PLD1: variants seen among roughly 807,000 people sequenced by gnomAD.
PLD1 encodes the protein choline phosphatase 1.
Under a neutral mutation model 137.1 loss-of-function variants are expected in PLD1, and 112 were observed. The observed-to-expected ratio is 0.82, with a 90% CI of 0.70 to 0.96. The LOEUF (loss-of-function observed/expected upper bound fraction) is 0.96, where lower values mean the gene tolerates loss of function less well. PLD1 is among the 40% of genes least tolerant of loss of function. PLD1 has a pLI of 0.00. For synonymous variants in PLD1, 431 were observed against 454.7 expected (o/e 0.95, Z 0.66); for missense variants, 1,321 against 1,342.0 (o/e 0.98, Z 0.24).
rs967442526 is a variant in PLD1, at chr3:171,601,426, A to G, written c.*1652T>C. The G allele has an allele frequency of 3.3e-5, 5 of 152,124 alleles. No individual in the cohort carries two copies. The highest frequency in any genetic ancestry group is 4.8e-5 in the African/African-American group (2 of 41,390). 9.4% of individuals were successfully genotyped at this position (152,124 alleles called of 1,614,324 possible). ...CTTCTTTCATCAATAGCAAATTCTT[A>G]TTTACAATGGCTATAGAATGAAGTC... On this transcript the variant is annotated 3_prime_UTR_variant, in exon 27 of 27. Transcript: ENST00000351298.
chr3:171,651,938 GT>G (rs1424917477), intron 21 of PLD1, among the ~76,000 whole-genome samples: 1 of 152,054 alleles, frequency 6.6e-6, no homozygotes, highest in Non-Finnish European at 1.5e-5. Flanking sequence ...ATCTGCTGAG[GT>G]TACCATTTTA....
At chr3:171,618,848 A>AGTGTGT (rs138468678) in intron 24 of PLD1, among the ~76,000 whole-genome samples, 27,779 of 128,334 alleles carry the variant, frequency 0.22, 2,979 homozygotes, top group Admixed American at 0.27. Flanking sequence ...AAATATTAAA[A>AGTGTGT]GTGTGTGTGC....
At chr3:171,678,261 T>C (rs1713590144) in intron 16 of PLD1, among the ~76,000 whole-genome samples, 1 of 152,228 alleles carries the variant, frequency 6.6e-6, no homozygotes, top group African/African-American at 2.4e-5. Flanking sequence ...TAAGTGACAC[T>C]GAGCTTCAGT....
At chr3:171,807,286 C>A (rs1578492497) in intron 1 of PLD1, among the ~76,000 whole-genome samples, 1 of 143,414 alleles carries the variant, frequency 7.0e-6, no homozygotes, top group East Asian at 2.0e-4. Flanking sequence ...CAGAGTGAGA[C>A]CCTGTCTCAA....
intron 13 of PLD1, among the ~76,000 whole-genome samples, chr3:171,689,502 C>T (rs534739062): frequency 2.0e-4 from 30 of 151,604 alleles, no homozygotes; most frequent in Non-Finnish European, 4.0e-4. Flanking sequence ...TTCCTTCCTT[C>T]CTTCCTTCCT....
chr3:171,703,748 T>G (rs1716437340), intron 11 of PLD1, among the ~76,000 whole-genome samples: 1 of 152,188 alleles, frequency 6.6e-6, no homozygotes, highest in Non-Finnish European at 1.5e-5. Context: ...TTTCTCCCTT[T>G]GATTCCTTGA....
intron 25 of PLD1, among the ~76,000 whole-genome samples, chr3:171,607,169 T>A (rs533542052): frequency 2.8e-4 from 42 of 152,240 alleles, no homozygotes; most frequent in Middle Eastern, 6.8e-3. Flanking sequence ...ATAATGTGCC[T>A]CCTTCAGACT....
intron 1 of PLD1, among the ~76,000 whole-genome samples, chr3:171,799,804 C>T (rs1289029305): frequency 6.6e-6 from 1 of 152,208 alleles, no homozygotes; most frequent in African/African-American, 2.4e-5. Flanking sequence ...CCTCCCCAAA[C>T]CCATCATCCC....
chr3:171,602,775 T>C lies in PLD1; in HGVS notation c.*303A>G. ...TAGATCACAGTTACTGGTAAATTCT[T>C]GTTACAAAGGAAATGGATTTTGGTA... On this transcript the variant is annotated 3_prime_UTR_variant, in exon 27 of 27. Coordinates refer to ENST00000351298, the MANE Select transcript of PLD1 (RefSeq NM_002662.5). 1 of 328,686 alleles carries C rather than the reference T, an allele frequency of 3.0e-6. No individual in the cohort carries two copies. The highest frequency in any genetic ancestry group is 5.6e-6 in the Non-Finnish European group (1 of 177,482). 20.4% of individuals were successfully genotyped at this position (328,686 alleles called of 1,614,324 possible).
chr3:171,638,035 A>T (rs1448825942), intron 23 of PLD1, among the ~76,000 whole-genome samples: 2 of 152,030 alleles, frequency 1.3e-5, no homozygotes, highest in Non-Finnish European at 2.9e-5. Flanking sequence ...ACAAAAAAAA[A>T]TTAGCCAGGT....
chr3:171,741,713 G>C (rs1719788219), intron 1 of PLD1, among the ~76,000 whole-genome samples: 1 of 152,156 alleles, frequency 6.6e-6, no homozygotes, highest in Non-Finnish European at 1.5e-5. Context: ...TTGAATTATA[G>C]AACTGAAAAT....
intron 6 of PLD1, among the ~76,000 whole-genome samples, chr3:171,729,310 T>C (rs1238469193): frequency 6.6e-6 from 1 of 152,180 alleles, no homozygotes; most frequent in Non-Finnish European, 1.5e-5. Flanking sequence ...GAAAGTGGTC[T>C]CAAGTAAAAA....
At chr3:171,617,687 T>C (rs1310560780) in intron 24 of PLD1, among the ~76,000 whole-genome samples, 1 of 152,192 alleles carries the variant, frequency 6.6e-6, no homozygotes, top group Non-Finnish European at 1.5e-5. Flanking sequence ...ACAGATTTCA[T>C]GACCAGCAGG....
chr3:171,719,741 G>T (rs1350409003), intron 8 of PLD1, among the ~76,000 whole-genome samples: 1 of 152,186 alleles, frequency 6.6e-6, no homozygotes, highest in Non-Finnish European at 1.5e-5. Context: ...ACCAGGTGCA[G>T]AGAAGTTTCT....
At chr3:171,683,096 C>G (rs1451018081) in intron 16 of PLD1, among the ~76,000 whole-genome samples, 1 of 152,176 alleles carries the variant, frequency 6.6e-6, no homozygotes, top group African/African-American at 2.4e-5. Flanking sequence ...TTTCCTTGCT[C>G]TTCCCATAGC....
intron 11 of PLD1, among the ~76,000 whole-genome samples, chr3:171,700,052 C>T (rs1176780896): frequency 6.6e-6 from 1 of 151,942 alleles, no homozygotes; most frequent in African/African-American, 2.4e-5. Flanking sequence ...CTCTCTCTCT[C>T]TCCCCCCTCT....
At chr3:171,753,227 C>A (rs555042463) in intron 1 of PLD1, among the ~76,000 whole-genome samples, 1 of 152,346 alleles carries the variant, frequency 6.6e-6, no homozygotes, top group Non-Finnish European at 1.5e-5. Flanking sequence ...TGTTCAACCG[C>A]TGCTCCTATG....
At chr3:171,677,527 G>T in intron 17 of PLD1, 39 bp downstream of exon 17, 1 of 1,595,774 alleles carries the variant, frequency 6.3e-7, no homozygotes, top group Non-Finnish European at 8.6e-7. Flanking sequence ...AAAGGTAAAA[G>T]ACAAAATATA....
At chr3:171,779,831 A>G (rs1292535579) in intron 1 of PLD1, among the ~76,000 whole-genome samples, 1 of 151,620 alleles carries the variant, frequency 6.6e-6, no homozygotes, top group Non-Finnish European at 1.5e-5. Flanking sequence ...ATTTGGATAC[A>G]TAAGTCTGAG....
Sources: gnomAD v4.1 joint callset for allele counts (sites outside exome capture counted in the v4.1 genomes callset) on GRCh38, gnomAD v4.1.1 for gene constraint, MANE v1.5 for transcripts, NCBI Gene and HGNC (gene_info 2026-07-23, HGNC 2026-07-21) for gene names.